FCHO2: variants seen among roughly 807,000 people sequenced by gnomAD.
FCHO2 encodes F-BAR domain only protein 2.
A neutral mutation model predicts 114.1 loss-of-function variants in FCHO2; 43 were observed. The observed-to-expected ratio is 0.38, with a 90% CI of 0.30 to 0.49. FCHO2 has a LOEUF of 0.49. Ranked by LOEUF, FCHO2 falls within the 20% of genes least tolerant of loss-of-function variation. FCHO2 has a pLI of 0.97. For synonymous variants in FCHO2, 293 were observed against 315.2 expected (o/e 0.93, Z 0.75); for missense variants, 807 against 950.4 (o/e 0.85, Z 1.98).
At chr5:72,972,637 C>T (rs929080735) in intron 2 of FCHO2, among the ~76,000 whole-genome samples, 17 of 152,206 alleles carry the variant, frequency 1.1e-4, no homozygotes, top group African/African-American at 4.1e-4. Flanking sequence ...TACAATCATG[C>T]CATCTGCAAA....
chr5:72,968,719 A>T (rs890543444), intron 2 of FCHO2, 130 bp downstream of exon 2: 2 of 644,302 alleles, frequency 3.1e-6, no homozygotes, highest in East Asian at 7.4e-5. Context: ...TACTGTAATT[A>T]TATCTATCTA....
In FCHO2 at chr5:72,990,787, A is replaced by G. The variant is rs1580059357; in HGVS notation, c.418A>G (p.Lys140Glu). The G allele has an allele frequency of 6.4e-7, 1 of 1,553,898 alleles. No homozygotes were observed. Among genetic ancestry groups the G allele is most frequent in the Non-Finnish European group, 8.7e-7 (1 of 1,148,016 alleles). The change falls in exon 5 of 26, where the codon AAG (lysine) becomes GAG (glutamate). Residue 140 changes from lysine to glutamate, a missense_variant. By Grantham distance (56) the Lys-to-Glu change is moderately conservative. Coordinates refer to ENST00000430046, the MANE Select transcript of FCHO2 (RefSeq NM_138782.3). ...QSITQALQKS[K>E]ENYNAKCVEQ... ...CATAACTCAGGCCCTCCAGAAATCCAAGGAAAATTACAATGCCAAGTGTGT... is the reference window on the plus strand; with the variant it reads ...CATAACTCAGGCCCTCCAGAAATCCGAGGAAAATTACAATGCCAAGTGTGT...
In FCHO2 at chr5:72,977,083, CAT is replaced by C. The variant is rs527505204; in HGVS notation, c.125+8497_125+8498del. On this transcript the variant is annotated intron_variant, in intron 2 of 25. Transcript: ENST00000430046. ...CTATTGTGAACAGTGCTGCAATAAA[CAT>C]ATGTGTGCATGTGTCTTTATAGTAG... Among the ~76,000 whole-genome samples, 195 of 152,270 alleles carry C rather than the reference CAT, an allele frequency of 1.3e-3. 1 individual carries two copies. The highest frequency in any genetic ancestry group is 4.5e-3 in the African/African-American group (186 of 41,552).
At chr5:73,018,981 C>T (rs796286755) in intron 8 of FCHO2, among the ~76,000 whole-genome samples, 1 of 152,172 alleles carries the variant, frequency 6.6e-6, no homozygotes, top group Non-Finnish European at 1.5e-5. Flanking sequence ...TAGGGACATA[C>T]ATTAGGATGG....
chr5:73,054,274 G>A, intron 14 of FCHO2, 103 bp downstream of exon 14: 1 of 1,062,086 alleles, frequency 9.4e-7, no homozygotes, highest in Admixed American at 2.9e-5. Flanking sequence ...AGATTAGCAA[G>A]TTTTAGTGTT....
At chr5:73,002,453 T>C (rs981010729) in intron 5 of FCHO2, among the ~76,000 whole-genome samples, 10 of 152,218 alleles carry the variant, frequency 6.6e-5, no homozygotes, top group African/African-American at 2.2e-4. Flanking sequence ...TCTATTAGGT[T>C]ATAAATTTCT....
At chr5:73,039,091 T>C (rs889897208) in intron 10 of FCHO2, among the ~76,000 whole-genome samples, 1 of 152,206 alleles carries the variant, frequency 6.6e-6, no homozygotes, top group Non-Finnish European at 1.5e-5. Context: ...CCAATGGCAA[T>C]AGTAGAGCAG....
At chr5:73,062,168 C>A (rs2112860103) in intron 17 of FCHO2, among the ~76,000 whole-genome samples, 1 of 152,172 alleles carries the variant, frequency 6.6e-6, no homozygotes, top group Middle Eastern at 3.4e-3. Context: ...ACACAGGACA[C>A]TGAAGAAAGT....
chr5:73,065,419 T>A (rs1758018317), intron 18 of FCHO2, among the ~76,000 whole-genome samples: 1 of 151,974 alleles, frequency 6.6e-6, no homozygotes. Context: ...TGTTAACATT[T>A]TTTGGAATGC....
intron 17 of FCHO2, among the ~76,000 whole-genome samples, chr5:73,061,374 C>T (rs1757845597): frequency 1.3e-5 from 2 of 151,968 alleles, no homozygotes; most frequent in Admixed American, 1.3e-4. Context: ...ATTAAATTTT[C>T]TAGTTTCAAA....
intron 5 of FCHO2, among the ~76,000 whole-genome samples, chr5:72,999,456 C>T (rs944012065): frequency 2.7e-5 from 4 of 146,316 alleles, no homozygotes; most frequent in African/African-American, 1.0e-4. Flanking sequence ...GATCTTGGCT[C>T]ACTGCAATCT....
Position 73,023,505 on chromosome 5 carries a change from C to T in FCHO2, c.796+6197C>T, listed in dbSNP as rs183330787. Reference sequence around the variant, plus strand: ...TTACCTGAGGTCAGGAGTTCAAGACCAGCCTGACCAACATAGTGAAACTCC... The same window carrying T: ...TTACCTGAGGTCAGGAGTTCAAGACTAGCCTGACCAACATAGTGAAACTCC... On this transcript the variant is annotated intron_variant, in intron 8 of 25. Transcript: ENST00000430046. 3.4e-4 allele frequency among the ~76,000 whole-genome samples: 51 copies of T among 152,096 alleles called. No individual in the cohort carries two copies. The East Asian group carries it at 8.9e-3, about 27-fold the overall frequency.
At position 72,980,684 on chromosome 5, in the gene FCHO2, C is replaced by T. The variant is rs114093590; in HGVS notation, c.126-8743C>T. On this transcript the variant is annotated intron_variant, in intron 2 of 25. Transcript: ENST00000430046. ...GTTAGCTCATCTTGATGCATTGATA[C>T]CTTTACTGTTATGTAATGGCCTTTG... 4.3e-3 allele frequency among the ~76,000 whole-genome samples: 648 copies of T among 152,258 alleles called. 7 individuals are homozygous for T. The highest frequency in any genetic ancestry group is 0.015 in the African/African-American group (618 of 41,554).
chr5:72,970,241 G>A (rs1752445720), intron 2 of FCHO2, among the ~76,000 whole-genome samples: 2 of 152,158 alleles, frequency 1.3e-5, no homozygotes, highest in Non-Finnish European at 1.5e-5. Flanking sequence ...TAGGCTCTAT[G>A]CTAGGCATGG....
rs968163238 is a variant in FCHO2, at chr5:73,040,840, T to C, written c.915-451T>C. 2.0e-5 allele frequency among the ~76,000 whole-genome samples: 3 copies of C among 152,190 alleles called. No individual in the cohort carries two copies. The East Asian group carries it at 5.8e-4, about 29-fold the overall frequency. On this transcript the variant is annotated intron_variant, in intron 10 of 25. Coordinates refer to ENST00000430046, the MANE Select transcript of FCHO2 (RefSeq NM_138782.3). ...CAGTAGTTTTGGGTTTTCAGACTAC[T>C]TGCTACTTAATACTGACTTTTTTTT...
intron 8 of FCHO2, among the ~76,000 whole-genome samples, chr5:73,021,958 T>G (rs960176423): frequency 3.9e-5 from 6 of 152,206 alleles, no homozygotes; most frequent in Admixed American, 6.5e-5. Context: ...TTTTGAAGTA[T>G]GTACTATTAT....
chr5:72,985,337 T>C (rs1753455147), intron 2 of FCHO2, among the ~76,000 whole-genome samples: 1 of 152,050 alleles, frequency 6.6e-6, no homozygotes, highest in African/African-American at 2.4e-5. Context: ...AATTTTTGTA[T>C]TTTTAGTAGA....
chr5:73,062,876 TA>T (rs2112861551), intron 17 of FCHO2, among the ~76,000 whole-genome samples: 1 of 152,150 alleles, frequency 6.6e-6, no homozygotes, highest in East Asian at 1.9e-4. Context: ...TAGGCCCACT[TA>T]TATATTTTTA....
intron 17 of FCHO2, among the ~76,000 whole-genome samples, chr5:73,063,257 G>A (rs906438901): frequency 6.6e-6 from 1 of 152,002 alleles, no homozygotes; most frequent in Non-Finnish European, 1.5e-5. Context: ...AACAAGTTAA[G>A]ATATTATTTT....
Sources: allele counts gnomAD v4.1 joint callset (sites outside exome capture counted in the v4.1 genomes callset), GRCh38; gene constraint gnomAD v4.1.1; transcripts MANE v1.5; gene names NCBI Gene and HGNC (gene_info 2026-07-23, HGNC 2026-07-21).